The following RBFOX1 variants were observed in gnomAD, a reference collection of about 807,000 sequenced individuals.
RBFOX1 encodes RNA binding protein fox-1 homolog 1.
Under a neutral mutation model 57.7 loss-of-function variants are expected in RBFOX1, and 8 were observed. That is an observed-to-expected ratio of 0.14 (90% confidence interval 0.08 to 0.25). The LOEUF is 0.25. Among genes scored for constraint, RBFOX1 ranks in the 10% least tolerant of loss-of-function variants. The pLI is 1.00. For synonymous variants in RBFOX1, 326 were observed against 222.4 expected (o/e 1.47, Z -4.15); for missense variants, 611 against 548.5 (o/e 1.11, Z -1.14).
chr16:5,521,870 T>A lies in RBFOX1; in HGVS notation c.258+54616T>A, dbSNP rs191099055. On this transcript the variant is annotated intron_variant, in intron 2 of 2. Transcript: ENST00000585867. ...CATATCCCTAGCTTTTGTCCAGAACTTGACGAGTCATGAGTGCCCAGGACA... is the reference window on the plus strand; with the variant it reads ...CATATCCCTAGCTTTTGTCCAGAACATGACGAGTCATGAGTGCCCAGGACA... Among the ~76,000 whole-genome samples, 3 of 152,314 alleles carry A rather than the reference T, an allele frequency of 2.0e-5. No individual in the cohort carries two copies. In the East Asian group the frequency reaches 5.8e-4, roughly 29 times the overall value.
chr16:7,021,002 T>G (rs986053736), intron 3 of RBFOX1, among the ~76,000 whole-genome samples: 31 of 152,060 alleles, frequency 2.0e-4, no homozygotes, highest in African/African-American at 7.0e-4. Context: ...GTGGCAGGCA[T>G]CTGTAATCCC....
intron 1 of RBFOX1, among the ~76,000 whole-genome samples, chr16:6,281,162 G>A (rs2076339758): frequency 6.6e-6 from 1 of 152,062 alleles, no homozygotes; most frequent in Non-Finnish European, 1.5e-5. Flanking sequence ...GGGGATGTTA[G>A]TAATGAGATA....
intron 1 of RBFOX1, among the ~76,000 whole-genome samples, chr16:5,410,988 C>T (rs1241036172): frequency 6.6e-6 from 1 of 152,172 alleles, no homozygotes; most frequent in Non-Finnish European, 1.5e-5. Context: ...ATTAGGCGGG[C>T]CAACACAACA....
rs200393762 is a variant in RBFOX1, at chr16:7,507,561, C to CTTTTTTTTTTTTTT, written c.28-10583_28-10582insTTTTTTTTTTTTTT. Among the ~76,000 whole-genome samples, 3 of 122,904 alleles carry CTTTTTTTTTTTTTT rather than the reference C, an allele frequency of 2.4e-5. 1 individual carries two copies. Among genetic ancestry groups the CTTTTTTTTTTTTTT allele is most frequent in the Non-Finnish European group, 1.7e-5 (1 of 58,376 alleles). The allele number at this position is 122,904 out of a possible 152,430, so 80.6% of individuals were successfully genotyped here. A position where few individuals can be genotyped will look rare whatever the true frequency, so the allele number is the denominator to read the frequency against. On this transcript the variant is annotated intron_variant, in intron 4 of 15. Coordinates refer to ENST00000550418, the MANE Select transcript of RBFOX1 (RefSeq NM_018723.4). ...TTGGAACGTGATTTTTTTTTTCTTT[C>CTTTTTTTTTTTTTT]TTTCTTTTTTTTTTTTTTTTGAGAC...
At chr16:7,352,219 C>T (rs377171676) in intron 4 of RBFOX1, among the ~76,000 whole-genome samples, 6 of 152,152 alleles carry the variant, frequency 3.9e-5, no homozygotes, top group African/African-American at 1.4e-4. Flanking sequence ...AAACATTTTT[C>T]AGCCTTTCCC....
chr16:5,655,883 T>G (rs371089708), intron 3 of RBFOX1, among the ~76,000 whole-genome samples: 9 of 152,228 alleles, frequency 5.9e-5, no homozygotes, highest in African/African-American at 1.9e-4. Context: ...TGATTTGTTT[T>G]AAAGCATGTG....
chr16:7,067,809 G>A (rs1371895685), intron 4 of RBFOX1, among the ~76,000 whole-genome samples: 1 of 151,252 alleles, frequency 6.6e-6, no homozygotes, highest in Non-Finnish European at 1.5e-5. Context: ...CCTTGCGATA[G>A]TTTACTGAGA....
At chr16:7,365,482 A>T (rs1004591012) in intron 4 of RBFOX1, among the ~76,000 whole-genome samples, 1 of 152,080 alleles carries the variant, frequency 6.6e-6, no homozygotes, top group Non-Finnish European at 1.5e-5. Context: ...AGAAGGAGTG[A>T]TTTTTTTCCC....
intron 3 of RBFOX1, among the ~76,000 whole-genome samples, chr16:6,996,534 A>G (rs997763665): frequency 1.3e-5 from 2 of 152,198 alleles, no homozygotes; most frequent in African/African-American, 2.4e-5. Flanking sequence ...CATACATTGT[A>G]GTTACTATTG....
chr16:6,179,799 G>C (rs1387257638), intron 1 of RBFOX1, among the ~76,000 whole-genome samples: 1 of 152,172 alleles, frequency 6.6e-6, no homozygotes, highest in East Asian at 1.9e-4. Context: ...AGTTTCTGTG[G>C]GTTGAGAATT....
chr16:6,505,385 A>G (rs1451955415), intron 2 of RBFOX1, among the ~76,000 whole-genome samples: 1 of 152,224 alleles, frequency 6.6e-6, no homozygotes, highest in Admixed American at 6.5e-5. Flanking sequence ...GCATTTGGGA[A>G]AAACTTTTCA....
intron 2 of RBFOX1, among the ~76,000 whole-genome samples, chr16:5,506,703 G>A (rs2043391499): frequency 1.3e-5 from 2 of 152,088 alleles, no homozygotes; most frequent in Admixed American, 1.3e-4. Context: ...TGAGGTGTGG[G>A]TTACGGCTTC....
chr16:6,252,608 G>GTGTTTTGTTTTGTTA (rs113436482), intron 1 of RBFOX1, among the ~76,000 whole-genome samples: 1 of 150,218 alleles, frequency 6.7e-6, no homozygotes, highest in Admixed American at 6.7e-5. Context: ...CCATGCCAAG[G>GTGTTTTGTTTTGTTA]TGTTTTGTTT....
chr16:6,009,242 C>T (rs920031065), intron 4 of RBFOX1, among the ~76,000 whole-genome samples: 1 of 152,120 alleles, frequency 6.6e-6, no homozygotes, highest in Non-Finnish European at 1.5e-5. Flanking sequence ...CAAAAAGCCA[C>T]GATGGTACCT....
At chr16:7,445,110 T>C (rs568467916) in intron 4 of RBFOX1, among the ~76,000 whole-genome samples, 64 of 151,768 alleles carry the variant, frequency 4.2e-4, no homozygotes, top group Non-Finnish European at 4.9e-4. Context: ...TGCTTGGTGC[T>C]GATGAGGAAT....
At chr16:6,011,565 C>G (rs756972172) in intron 4 of RBFOX1, among the ~76,000 whole-genome samples, 21 of 152,258 alleles carry the variant, frequency 1.4e-4, no homozygotes, top group Middle Eastern at 3.4e-3. Context: ...GTAGGCTTCT[C>G]TGTAGTTAAA....
At chr16:5,339,675 C>G (rs747300828) in intron 1 of RBFOX1, among the ~76,000 whole-genome samples, 9 of 151,728 alleles carry the variant, frequency 5.9e-5, no homozygotes, top group Admixed American at 1.3e-4. Flanking sequence ...GATGGAGTTT[C>G]ACTGTGTTGT....
At chr16:7,175,371 C>T (rs2081452668) in intron 4 of RBFOX1, among the ~76,000 whole-genome samples, 1 of 152,188 alleles carries the variant, frequency 6.6e-6, no homozygotes, top group Admixed American at 6.5e-5. Flanking sequence ...TCTTACATTA[C>T]TACCTATAAT....
intron 2 of RBFOX1, among the ~76,000 whole-genome samples, chr16:6,557,034 C>CATATATAT (rs1330624501): frequency 5.6e-5 from 4 of 71,048 alleles, no homozygotes; most frequent in African/African-American, 2.0e-4. Context: ...TACATATATA[C>CATATATAT]ACATATATAT....
Sources: gnomAD v4.1 joint callset for allele counts (sites outside exome capture counted in the v4.1 genomes callset) on GRCh38, gnomAD v4.1.1 for gene constraint, MANE v1.5 for transcripts, NCBI Gene and HGNC (gene_info 2026-07-23, HGNC 2026-07-21) for gene names.